Variants in DTL observed in about 807,000 individuals in gnomAD.
DTL encodes denticleless protein homolog.
In DTL, 46 loss-of-function variants were observed where a neutral mutation model predicts 87.0. The ratio of observed to expected loss-of-function variants is 0.53; its 90% CI spans 0.42 to 0.68. The LOEUF (loss-of-function observed/expected upper bound fraction) is 0.68, where lower values mean the gene tolerates loss of function less well. Among genes scored for constraint, DTL ranks in the 30% least tolerant of loss-of-function variants. DTL has a pLI of 0.00. For missense variants in DTL, 737 were observed against 869.4 expected, an observed-to-expected ratio of 0.85 and a Z score of 1.91; for synonymous variants, 308 against 311.2, an observed-to-expected ratio of 0.99 and a Z score of 0.11.
At chr1:212,087,176 C>T (rs1390753401) in intron 13 of DTL, among the ~76,000 whole-genome samples, 1 of 152,138 alleles carries the variant, frequency 6.6e-6, no homozygotes, top group Non-Finnish European at 1.5e-5. Context: ...GTTGTAGAAC[C>T]AGAGTCTATA....
chr1:212,040,531 G>A (rs2102523711), intron 1 of DTL, among the ~76,000 whole-genome samples: 1 of 152,296 alleles, frequency 6.6e-6, no homozygotes, highest in African/African-American at 2.4e-5. Flanking sequence ...TGGCCTCTCG[G>A]AATATCTCAT....
chr1:212,087,882 A>G (rs1189955699), intron 13 of DTL, among the ~76,000 whole-genome samples: 2 of 152,100 alleles, frequency 1.3e-5, no homozygotes, highest in East Asian at 3.9e-4. Context: ...AAACCCCCTC[A>G]GTTAACACAT....
chr1:212,102,575 T>C (rs1443818552), intron 14 of DTL, among the ~76,000 whole-genome samples: 3 of 152,238 alleles, frequency 2.0e-5, no homozygotes, highest in East Asian at 3.8e-4. Context: ...TTGTAACTTA[T>C]TTGTTTCTTA....
intron 5 of DTL, among the ~76,000 whole-genome samples, chr1:212,058,709 G>A (rs563188174): frequency 1.9e-4 from 29 of 151,704 alleles, no homozygotes; most frequent in Admixed American, 7.9e-4. Flanking sequence ...TAACTAAATA[G>A]AGACTTAAAA....
chr1:212,060,022 A>G (rs75266401), intron 5 of DTL, among the ~76,000 whole-genome samples: 3,993 of 152,266 alleles, frequency 0.026, 59 homozygotes, highest in African/African-American at 0.047. Flanking sequence ...AAAGAAATTG[A>G]AGAGGAGACA....
intron 5 of DTL, among the ~76,000 whole-genome samples, chr1:212,060,376 G>T (rs190982555): frequency 6.6e-6 from 1 of 152,164 alleles, no homozygotes; most frequent in Admixed American, 6.5e-5. Flanking sequence ...ACAATAAACG[G>T]TGCTGGGAAA....
Position 212,044,738 on chromosome 1 carries a change from T to G in DTL, c.257T>G (p.Phe86Cys). The G allele has an allele frequency of 6.2e-7, 1 of 1,612,636 alleles. No individual in the cohort carries two copies. The highest frequency in any genetic ancestry group is 8.5e-7 in the Non-Finnish European group (1 of 1,179,006). The change falls in exon 3 of 15, where the codon TTC becomes TGC. Residue 86 changes from phenylalanine (F) to cysteine (C), a missense_variant. Physicochemically the swap from Phe to Cys is radical, Grantham distance 205. Transcript: ENST00000366991. ...TTGTATAACACAGAATCACAAAGTTTCAGAAAGAAGTGCTTCAAAGGTAAG... is the reference window on the plus strand; with the variant it reads ...TTGTATAACACAGAATCACAAAGTTGCAGAAAGAAGTGCTTCAAAGGTAAG... ...VRLYNTESQS[F>C]RKKCFKEWMA...
At chr1:212,079,579 T>G (rs1178268546) in intron 12 of DTL, among the ~76,000 whole-genome samples, 2 of 152,162 alleles carry the variant, frequency 1.3e-5, no homozygotes, top group African/African-American at 4.8e-5. Flanking sequence ...TCCATTTGAT[T>G]GTGGTTACTT....
intron 13 of DTL, among the ~76,000 whole-genome samples, chr1:212,097,613 T>A (rs932735065): frequency 6.6e-6 from 1 of 152,228 alleles, no homozygotes; most frequent in African/African-American, 2.4e-5. Flanking sequence ...GGAGATTTTT[T>A]TCGTCTACAT....
chr1:212,047,615 C>G (rs1667845423), intron 5 of DTL, among the ~76,000 whole-genome samples, 198 bp downstream of exon 5: 1 of 152,218 alleles, frequency 6.6e-6, no homozygotes, highest in Non-Finnish European at 1.5e-5. Context: ...TCACTGCTAC[C>G]TCCGCTGCCT....
intron 5 of DTL, among the ~76,000 whole-genome samples, chr1:212,053,937 T>TTTG (rs1294201516): frequency 9.8e-5 from 15 of 152,334 alleles, no homozygotes; most frequent in African/African-American, 3.6e-4. Context: ...TTCCTGGCTC[T>TTTG]TTGTAAGTCA....
chr1:212,041,267 T>C (rs142297418), intron 1 of DTL, among the ~76,000 whole-genome samples: 3 of 152,258 alleles, frequency 2.0e-5, no homozygotes, highest in East Asian at 1.9e-4. Flanking sequence ...TTATAGGCAG[T>C]GAGGCAGAGT....
chr1:212,048,424 C>T (rs546230443), intron 5 of DTL, among the ~76,000 whole-genome samples: 9 of 152,294 alleles, frequency 5.9e-5, no homozygotes, highest in Admixed American at 3.9e-4. Flanking sequence ...AACTCCTGAC[C>T]TCGTGATCCA....
chr1:212,056,715 A>G (rs75578085), intron 5 of DTL, among the ~76,000 whole-genome samples: 3,993 of 152,266 alleles, frequency 0.026, 59 homozygotes, highest in African/African-American at 0.046. Context: ...CAGTGAGAGA[A>G]AAGAGAATTC....
intron 5 of DTL, chr1:212,052,054 A>G (rs1027001430): frequency 1.5e-5 from 15 of 999,124 alleles, no homozygotes; most frequent in Non-Finnish European, 1.9e-5. Context: ...AAGAAGCTGG[A>G]TATGAAATTC....
intron 13 of DTL, among the ~76,000 whole-genome samples, chr1:212,095,623 A>G (rs1012797073): frequency 2.6e-5 from 4 of 152,188 alleles, no homozygotes; most frequent in African/African-American, 9.7e-5. Context: ...GGCATGAGCC[A>G]CCGCACCCGG....
At chr1:212,087,489 G>A (rs1655164604) in intron 13 of DTL, among the ~76,000 whole-genome samples, 1 of 151,526 alleles carries the variant, frequency 6.6e-6, no homozygotes, top group Admixed American at 6.6e-5. Context: ...GGCGGAGCTT[G>A]CAGTGAGTGG....
intron 5 of DTL, among the ~76,000 whole-genome samples, chr1:212,054,551 T>C (rs887685100): frequency 6.6e-6 from 1 of 151,918 alleles, no homozygotes; most frequent in Non-Finnish European, 1.5e-5. Context: ...CCCAGCACTT[T>C]GCAAGGCTGA....
intron 6 of DTL, among the ~76,000 whole-genome samples, 154 bp downstream of exon 6, chr1:212,063,103 T>C (rs1308285211): frequency 6.6e-6 from 1 of 152,174 alleles, no homozygotes; most frequent in African/African-American, 2.4e-5. Flanking sequence ...GGATCTTCAC[T>C]GAGTGTCCTG....
Sources: gnomAD v4.1 joint callset for allele counts (sites outside exome capture counted in the v4.1 genomes callset) on GRCh38, gnomAD v4.1.1 for gene constraint, MANE v1.5 for transcripts, NCBI Gene and HGNC (gene_info 2026-07-23, HGNC 2026-07-21) for gene names.